UNC5C: variants seen among roughly 807,000 people sequenced by gnomAD.
UNC5C encodes the protein unc-5 netrin receptor C, also known as netrin receptor UNC5C.
UNC5C carries 47 observed loss-of-function variants against 99.8 expected under a neutral mutation model. That is an observed-to-expected ratio of 0.47 (90% CI 0.37 to 0.60). The LOEUF is 0.60. Ranked by LOEUF, UNC5C falls within the 20% of genes least tolerant of loss-of-function variation. The pLI is 0.00. For synonymous variants in UNC5C, 487 were observed against 452.2 expected, an observed-to-expected ratio of 1.08 and a Z score of -0.98; for missense variants, 1,062 against 1,165.9, an observed-to-expected ratio of 0.91 and a Z score of 1.30.
chr4:95,413,797 G>T (rs1746080297), intron 1 of UNC5C, among the ~76,000 whole-genome samples: 1 of 152,188 alleles, frequency 6.6e-6, no homozygotes, highest in African/African-American at 2.4e-5. Context: ...TTCTATAGCA[G>T]CTACCTGGGT....
At chr4:95,383,460 C>T (rs993771402) in intron 1 of UNC5C, among the ~76,000 whole-genome samples, 1 of 152,012 alleles carries the variant, frequency 6.6e-6, no homozygotes, top group Non-Finnish European at 1.5e-5. Context: ...TTATGTTTTC[C>T]CCTTTTATAA....
intron 1 of UNC5C, among the ~76,000 whole-genome samples, chr4:95,337,655 A>G (rs1247111663): frequency 1.3e-5 from 2 of 151,958 alleles, no homozygotes; most frequent in African/African-American, 2.4e-5. Context: ...GTATTTCCTT[A>G]ATTTTGACTT....
chr4:95,189,973 CA>C, intron 12 of UNC5C, among the ~76,000 whole-genome samples: 1 of 152,270 alleles, frequency 6.6e-6, no homozygotes, highest in Admixed American at 6.5e-5. Context: ...CCATTTGACC[CA>C]GCCATCCCAT....
intron 8 of UNC5C, among the ~76,000 whole-genome samples, chr4:95,219,594 G>A (rs1738390588): frequency 1.3e-5 from 2 of 152,102 alleles, no homozygotes; most frequent in African/African-American, 4.8e-5. Flanking sequence ...TGAACAACGA[G>A]CCTCACTAGG....
intron 1 of UNC5C, among the ~76,000 whole-genome samples, chr4:95,341,586 G>T (rs1325900865): frequency 6.6e-6 from 1 of 151,816 alleles, no homozygotes; most frequent in African/African-American, 2.4e-5. Context: ...GAGGAAGGGA[G>T]GGGAGGAAGC....
At chr4:95,536,599 T>C (rs1329203614) in intron 1 of UNC5C, among the ~76,000 whole-genome samples, 3 of 152,254 alleles carry the variant, frequency 2.0e-5, no homozygotes, top group Non-Finnish European at 4.4e-5. Flanking sequence ...TGTGTAAATT[T>C]ATTGTGTGGC....
At chr4:95,431,483 AAC>A (rs574287266) in intron 1 of UNC5C, among the ~76,000 whole-genome samples, 303 of 152,246 alleles carry the variant, frequency 2.0e-3, no homozygotes, top group African/African-American at 7.1e-3. Flanking sequence ...GAAGGATAAA[AAC>A]ACAGATTGAG....
intron 1 of UNC5C, among the ~76,000 whole-genome samples, chr4:95,368,940 C>T (rs949234627): frequency 2.6e-5 from 4 of 151,688 alleles, no homozygotes; most frequent in Admixed American, 2.6e-4. Context: ...TGTTTTGAGA[C>T]AAAGTCTTGC....
intron 7 of UNC5C, among the ~76,000 whole-genome samples, chr4:95,222,458 A>C (rs375499188): frequency 2.0e-5 from 3 of 152,296 alleles, no homozygotes; most frequent in African/African-American, 7.2e-5. Flanking sequence ...ATTAATAAGC[A>C]GGCAGATTGA....
At chr4:95,424,671 C>T (rs377617832) in intron 1 of UNC5C, among the ~76,000 whole-genome samples, 10 of 150,924 alleles carry the variant, frequency 6.6e-5, no homozygotes, top group African/African-American at 1.5e-4. Flanking sequence ...ACAGGTGCCC[C>T]CCACCACGCC....
At chr4:95,515,260 T>C (rs7694407) in intron 1 of UNC5C, among the ~76,000 whole-genome samples, 8,649 of 152,266 alleles carry the variant, frequency 0.057, 407 homozygotes, top group Admixed American at 0.12. Flanking sequence ...TAGTACATGC[T>C]GCTTTCACAT....
chr4:95,464,456 G>A (rs2149472184), intron 1 of UNC5C, among the ~76,000 whole-genome samples: 1 of 152,248 alleles, frequency 6.6e-6, no homozygotes, highest in South Asian at 2.1e-4. Flanking sequence ...TTATTGGATG[G>A]TATCCTGGTT....
intron 3 of UNC5C, among the ~76,000 whole-genome samples, chr4:95,289,527 C>T (rs1741366329): frequency 6.6e-6 from 1 of 152,206 alleles, no homozygotes; most frequent in African/African-American, 2.4e-5. Flanking sequence ...TCTTTTTACA[C>T]ACTCACTGAA....
intron 12 of UNC5C, among the ~76,000 whole-genome samples, chr4:95,186,890 C>T (rs572751942): frequency 9.9e-5 from 15 of 152,120 alleles, no homozygotes; most frequent in Non-Finnish European, 1.8e-4. Flanking sequence ...GTCTGCTGTG[C>T]CTGAGCTCAG....
chr4:95,248,295 C>A, intron 5 of UNC5C: 2 of 250,890 alleles, frequency 8.0e-6, no homozygotes, highest in Non-Finnish European at 1.6e-5. Flanking sequence ...CTTAATATAA[C>A]TTTTACATGG....
Position 95,362,477 on chromosome 4 carries a change from G to C in UNC5C, c.125-26846C>G, listed in dbSNP as rs184955238. Among the ~76,000 whole-genome samples the C allele has an allele frequency of 1.6e-3, 246 of 152,288 alleles. 12 individuals carry two copies. The East Asian group carries it at 0.045, about 28-fold the overall frequency. On this transcript the variant is annotated intron_variant, in intron 1 of 15. Transcript: ENST00000453304. ...CAAAGAAAGGCACAGCTGAGAGATG[G>C]AGCAAGAATGTGGTCAGGTCATCAT... is the stretch of plus-strand genomic sequence containing the variant.
intron 7 of UNC5C, among the ~76,000 whole-genome samples, chr4:95,239,816 A>G (rs1352456702): frequency 6.6e-6 from 1 of 152,240 alleles, no homozygotes; most frequent in African/African-American, 2.4e-5. Context: ...ACAAATAAAT[A>G]TCAACAGTAA....
chr4:95,460,195 G>GTT (rs564653832), intron 1 of UNC5C, among the ~76,000 whole-genome samples: 1 of 72,306 alleles, frequency 1.4e-5, no homozygotes, highest in Non-Finnish European at 2.9e-5. Context: ...TGTCCATGTG[G>GTT]TGTTTTTTTT....
rs373276806 is a variant in UNC5C, at chr4:95,219,500, A to T, written c.1301-187T>A. On this transcript the variant is annotated intron_variant, in intron 8 of 15. Coordinates refer to ENST00000453304, the MANE Select transcript of UNC5C (RefSeq NM_003728.4). ...ACCAGCTCTTTTATTATTGGCTGTA[A>T]GTAAGTGGTCAAGCTCATTCTATAA... 3.3e-5 allele frequency among the ~76,000 whole-genome samples: 5 copies of T among 152,306 alleles called. No individual in the cohort carries two copies. In the East Asian group the frequency reaches 5.8e-4, roughly 18 times the overall value.
Sources: gnomAD v4.1 joint callset for allele counts (sites outside exome capture counted in the v4.1 genomes callset) on GRCh38, gnomAD v4.1.1 for gene constraint, MANE v1.5 for transcripts, NCBI Gene and HGNC (gene_info 2026-07-23, HGNC 2026-07-21) for gene names.